SCNN1B: variants seen among roughly 807,000 people sequenced by gnomAD.
The protein encoded by SCNN1B is sodium channel epithelial 1 subunit beta, also known as epithelial sodium channel subunit beta.
SCNN1B carries 46 observed loss-of-function variants against 65.3 expected under a neutral mutation model. The observed-to-expected ratio is 0.70, with a 90% CI of 0.56 to 0.90. The LOEUF (loss-of-function observed/expected upper bound fraction) is 0.90, where lower values mean the gene tolerates loss of function less well. SCNN1B is among the 40% of genes least tolerant of loss of function. The probability of loss-of-function intolerance (pLI) is 0.00; values close to 1 mark genes in which losing one functional copy is unlikely to be tolerated. For missense variants in SCNN1B, 751 were observed against 830.5 expected (o/e 0.90, Z 1.18); for synonymous variants, 349 against 330.6 (o/e 1.06, Z -0.60).
intron 2 of SCNN1B, among the ~76,000 whole-genome samples, chr16:23,291,327 T>G (rs1212017856): frequency 1.3e-5 from 2 of 152,150 alleles, no homozygotes; most frequent in Non-Finnish European, 2.9e-5. Flanking sequence ...CCTCCCAAAG[T>G]GCTGAGATTA....
intron 4 of SCNN1B, among the ~76,000 whole-genome samples, chr16:23,356,104 T>C (rs1389506874): frequency 1.3e-5 from 2 of 152,084 alleles, no homozygotes; most frequent in Non-Finnish European, 1.5e-5. Flanking sequence ...CGTGAGCTGG[T>C]CACTGGCTGT....
At chr16:23,369,561 G>A (rs1962740938) in intron 5 of SCNN1B, among the ~76,000 whole-genome samples, 1 of 152,138 alleles carries the variant, frequency 6.6e-6, no homozygotes, top group African/African-American at 2.4e-5. Flanking sequence ...CTTGTGAGCC[G>A]GGCACAGGTG....
intron 1 of SCNN1B, among the ~76,000 whole-genome samples, chr16:23,315,298 T>C (rs1961429965): frequency 6.6e-6 from 1 of 151,996 alleles, no homozygotes; most frequent in South Asian, 2.1e-4. Flanking sequence ...GATCGCACCA[T>C]TGCACTCCAG....
At chr16:23,354,854 T>C (rs1030335579) in intron 3 of SCNN1B, among the ~76,000 whole-genome samples, 1 of 152,200 alleles carries the variant, frequency 6.6e-6, no homozygotes, top group African/African-American at 2.4e-5. Context: ...TGCATGCCTC[T>C]GCACACATGA....
intron 1 of SCNN1B, among the ~76,000 whole-genome samples, chr16:23,324,802 C>T (rs951483590): frequency 3.9e-5 from 6 of 152,206 alleles, no homozygotes; most frequent in African/African-American, 1.4e-4. Flanking sequence ...ACTGACCACA[C>T]TCTTCCCTGC....
chr16:23,343,596 AAAGAAAG>A (rs1567304322), intron 1 of SCNN1B, among the ~76,000 whole-genome samples: 3 of 100,590 alleles, frequency 3.0e-5, no homozygotes, highest in Non-Finnish European at 6.3e-5. Context: ...AGAAAGAAAG[AAAGAAAG>A]AAAGAAAGAA....
intron 1 of SCNN1B, among the ~76,000 whole-genome samples, chr16:23,343,671 G>GA (rs1555487092): frequency 7.4e-5 from 10 of 135,320 alleles, no homozygotes; most frequent in South Asian, 2.5e-4. Context: ...AAGGAAGGAA[G>GA]AAAAAAAAAA....
intron 1 of SCNN1B, among the ~76,000 whole-genome samples, chr16:23,333,180 A>G (rs1961860993): frequency 7.0e-6 from 1 of 142,950 alleles, no homozygotes; most frequent in African/African-American, 2.6e-5. Context: ...GAAGGAAGGA[A>G]GGAAGGAAGG....
At chr16:23,368,672 G>T (rs1294194249) in intron 5 of SCNN1B, among the ~76,000 whole-genome samples, 2 of 152,206 alleles carry the variant, frequency 1.3e-5, no homozygotes, top group African/African-American at 4.8e-5. Context: ...TATAAGCCTT[G>T]TGAGTCATTA....
At position 23,325,086 on chromosome 16, in the gene SCNN1B, C is replaced by G. The variant is rs146219003; in HGVS notation, c.-9+22649C>G. On this transcript the variant is annotated intron_variant, in intron 1 of 12. Coordinates refer to ENST00000343070, the MANE Select transcript of SCNN1B (RefSeq NM_000336.3). The stretch of plus-strand genomic sequence containing the variant: ...CAAGGGTATGGGAGAAAGGAGCCAT[C>G]CAGGAAATGCAAGCTCTGGTGCAGC... 2.0e-5 allele frequency among the ~76,000 whole-genome samples: 3 copies of G among 152,270 alleles called. No individual in the cohort carries two copies. In the East Asian group the frequency reaches 5.8e-4, roughly 29 times the overall value.
intron 1 of SCNN1B, among the ~76,000 whole-genome samples, chr16:23,305,583 A>ATAAATATTT (rs1961199345): frequency 1.1e-5 from 1 of 93,180 alleles, no homozygotes; most frequent in African/African-American, 4.2e-5. Flanking sequence ...TATATTATAT[A>ATAAATATTT]TATATATATA....
chr16:23,306,060 G>A (rs989686528), intron 1 of SCNN1B, among the ~76,000 whole-genome samples: 22 of 152,088 alleles, frequency 1.4e-4, no homozygotes, highest in African/African-American at 5.1e-4. Flanking sequence ...CTGGCCAACG[G>A]GGTGAAGCTC....
chr16:23,342,601 T>A (rs1479629948), intron 1 of SCNN1B, among the ~76,000 whole-genome samples: 3 of 152,098 alleles, frequency 2.0e-5, no homozygotes, highest in Non-Finnish European at 4.4e-5. Context: ...TGGACCACAT[T>A]GGAAGAAGAA....
At chr16:23,370,518 T>C (rs1596881695) in intron 5 of SCNN1B, among the ~76,000 whole-genome samples, 1 of 152,218 alleles carries the variant, frequency 6.6e-6, no homozygotes, top group South Asian at 2.1e-4. Flanking sequence ...CTCAGGACCG[T>C]GGTGCGTGGG....
rs71379673 is a variant in SCNN1B at position 23,365,557 on chromosome 16, GAGAAAGAA to G, written c.777-2275_777-2268del. On this transcript the variant is annotated intron_variant, in intron 4 of 12. Transcript: ENST00000343070. ...AGAGAAGGAAAGAGAAAGAAGGAAA[GAGAAAGAA>G]AGAAAGAAAGAAAGAAAGAAAGAGA... Among the ~76,000 whole-genome samples, 359 of 92,424 alleles carry G rather than the reference GAGAAAGAA, an allele frequency of 3.9e-3. 1 individual carries two copies. The highest frequency in any genetic ancestry group is 0.011 in the African/African-American group (177 of 16,832). 60.6% of individuals were successfully genotyped at this position (92,424 alleles called of 152,430 possible).
At chr16:23,366,591 G>A (rs1187464372) in intron 4 of SCNN1B, among the ~76,000 whole-genome samples, 6 of 152,136 alleles carry the variant, frequency 3.9e-5, no homozygotes, top group Admixed American at 2.6e-4. Flanking sequence ...CAAATTAGCC[G>A]GGTGTGGTGG....
intron 2 of SCNN1B, among the ~76,000 whole-genome samples, chr16:23,290,525 C>A (rs1361165833): frequency 6.6e-6 from 1 of 152,112 alleles, no homozygotes; most frequent in Non-Finnish European, 1.5e-5. Flanking sequence ...CCAGGCTGTT[C>A]TCAAACGCCT....
At chr16:23,365,589 G>GAAAT (rs1289614643) in intron 4 of SCNN1B, among the ~76,000 whole-genome samples, 6 of 34,908 alleles carry the variant, frequency 1.7e-4, no homozygotes, top group Admixed American at 1.4e-3. Flanking sequence ...GAAAGAAAGA[G>GAAAT]AAAGAAAGAA....
At chr16:23,330,482 T>C (rs941604797) in intron 1 of SCNN1B, among the ~76,000 whole-genome samples, 5 of 152,118 alleles carry the variant, frequency 3.3e-5, no homozygotes, top group Non-Finnish European at 4.4e-5. Context: ...GCGCCTTGCT[T>C]TCGGATCCTG....
Sources: allele counts gnomAD v4.1 joint callset (sites outside exome capture counted in the v4.1 genomes callset), GRCh38; gene constraint gnomAD v4.1.1; transcripts MANE v1.5; gene names NCBI Gene and HGNC (gene_info 2026-07-23, HGNC 2026-07-21).